ZNF565: variants seen among roughly 807,000 people sequenced by gnomAD.
ZNF565 encodes the protein zinc finger protein 565.
ZNF565 carries 27 observed loss-of-function variants against 39.4 expected under a neutral mutation model. That is an observed-to-expected ratio of 0.69 (90% confidence interval 0.51 to 0.95). ZNF565 has a LOEUF of 0.95. Among genes scored for constraint, ZNF565 ranks in the 40% least tolerant of loss-of-function variants. The pLI is 0.00. For missense variants in ZNF565, 524 were observed against 621.1 expected, an observed-to-expected ratio of 0.84 and a Z score of 1.66; for synonymous variants, 185 against 216.6, an observed-to-expected ratio of 0.85 and a Z score of 1.28.
chr19:36,237,605 C>CTTGT, intron 1 of ZNF565: 1 of 273,568 alleles, frequency 3.7e-6, no homozygotes. Context: ...TTATTGCTAC[C>CTTGT]ACCATAGATC....
intron 1 of ZNF565, among the ~76,000 whole-genome samples, chr19:36,226,865 C>T (rs1206476676): frequency 6.6e-6 from 1 of 152,102 alleles, no homozygotes; most frequent in Non-Finnish European, 1.5e-5. Flanking sequence ...GCAGGTGGAT[C>T]ACCTGTGGTC....
At chr19:36,229,301 C>T (rs1977217798) in intron 1 of ZNF565, among the ~76,000 whole-genome samples, 1 of 152,240 alleles carries the variant, frequency 6.6e-6, no homozygotes. Flanking sequence ...ATGGACTCCT[C>T]TGCCTACCTT....
chr19:36,207,863 G>A (rs908076503), intron 1 of ZNF565, among the ~76,000 whole-genome samples: 12 of 152,288 alleles, frequency 7.9e-5, no homozygotes, highest in South Asian at 4.1e-4. Context: ...GCAGCTAAAG[G>A]TGGCGGGCCT....
chr19:36,242,602 C>G (rs1048741615), intron 1 of ZNF565, among the ~76,000 whole-genome samples: 8 of 151,176 alleles, frequency 5.3e-5, no homozygotes, highest in Non-Finnish European at 4.4e-5. Flanking sequence ...GCACGTGCCT[C>G]TCATCCCAGC....
chr19:36,230,876 A>G (rs188019291), intron 1 of ZNF565, among the ~76,000 whole-genome samples: 1 of 152,128 alleles, frequency 6.6e-6, no homozygotes, highest in East Asian at 1.9e-4. Flanking sequence ...ATCTCGGCTC[A>G]CTGCAACCTC....
intron 1 of ZNF565, among the ~76,000 whole-genome samples, chr19:36,211,548 C>G (rs543503148): frequency 2.2e-4 from 33 of 150,772 alleles, no homozygotes; most frequent in Non-Finnish European, 4.1e-4. Flanking sequence ...AATCCCAGTA[C>G]TTTGGGAGGC....
intron 1 of ZNF565, among the ~76,000 whole-genome samples, chr19:36,206,428 GT>G (rs1976156239): frequency 1.3e-5 from 2 of 151,684 alleles, no homozygotes; most frequent in Non-Finnish European, 2.9e-5. Flanking sequence ...GGGCAGCAAA[GT>G]AAGACCCCCA....
chr19:36,188,811 C>A (rs1975417705), intron 4 of ZNF565, among the ~76,000 whole-genome samples: 1 of 151,522 alleles, frequency 6.6e-6, no homozygotes, highest in Non-Finnish European at 1.5e-5. Context: ...AGTATTTATA[C>A]ATGTATACAT....
chr19:36,197,664 C>T (rs769914653), intron 2 of ZNF565, among the ~76,000 whole-genome samples: 14 of 152,130 alleles, frequency 9.2e-5, no homozygotes, highest in Non-Finnish European at 1.9e-4. Flanking sequence ...GTTAAAGTGG[C>T]TTATATCTAA....
Position 36,245,392 on chromosome 19 carries a change from A to AC in ZNF565, c.55+83dup. The AC allele has an allele frequency of 1.4e-6, 1 of 698,310 alleles. No homozygotes were observed. Among genetic ancestry groups the AC allele is most frequent in the Non-Finnish European group, 2.6e-6 (1 of 382,612 alleles). The allele number at this position is 698,310 out of a possible 1,614,324, so 43.3% of individuals were successfully genotyped here. ...GCTCGAAGGGAGGACAGTCACTGCGACCCGGAAAGCTCCGCGCTTACGACG... is the reference window on the plus strand; with the variant it reads ...GCTCGAAGGGAGGACAGTCACTGCGACCCCGGAAAGCTCCGCGCTTACGACG... On this transcript the variant is annotated intron_variant, in intron 1 of 4. Transcript: ENST00000355114. The surrounding 1 kb of genome is among the most constrained non-coding windows in gnomAD (Gnocchi z 4.4).
chr19:36,211,725 G>A lies in ZNF565; in HGVS notation c.-66+2897C>T, dbSNP rs1041247141. Among the ~76,000 whole-genome samples, 6 of 151,948 alleles carry A rather than the reference G, an allele frequency of 3.9e-5. No individual in the cohort carries two copies. The East Asian group carries it at 5.8e-4, about 15-fold the overall frequency. ...GGAGAATCGCATGAACCAGGGAGGC[G>A]GAGCTTGCAGTGAGCCGAGCTCGCG... On this transcript the variant is annotated intron_variant, in intron 1 of 4. Transcript: ENST00000304116.
chr19:36,186,261 A>G (rs531093726), intron 4 of ZNF565, among the ~76,000 whole-genome samples: 3 of 152,172 alleles, frequency 2.0e-5, no homozygotes, highest in Non-Finnish European at 4.4e-5. Flanking sequence ...GGCTTCTAAA[A>G]GTATTGGGAT....
chr19:36,194,885 G>A (rs1056250248), intron 3 of ZNF565, 145 bp downstream of exon 3: 2 of 1,251,200 alleles, frequency 1.6e-6, no homozygotes, highest in Non-Finnish European at 2.3e-6. Flanking sequence ...TGCTGGCCGG[G>A]CCTCTCTCTA....
Position 36,234,779 on chromosome 19 carries a change from G to A in ZNF565, c.55+10697C>T, listed in dbSNP as rs534085777. ...GGGTTTAATCTCTGATTTCCGTATA[G>A]CAGCTCATTCCTGTCATCTCATTTG... On this transcript the variant is annotated intron_variant, in intron 1 of 4. Coordinates refer to the ZNF565 transcript ENST00000355114. 3.3e-5 allele frequency among the ~76,000 whole-genome samples: 5 copies of A among 152,306 alleles called. No homozygotes were observed. The South Asian group carries it at 1.0e-3, about 32-fold the overall frequency.
intron 1 of ZNF565, among the ~76,000 whole-genome samples, chr19:36,232,810 A>G (rs1456219609): frequency 6.6e-6 from 1 of 152,010 alleles, no homozygotes; most frequent in Non-Finnish European, 1.5e-5. Context: ...AGGTTTCACC[A>G]TGTTGGCCAG....
rs530731718 is a variant in ZNF565, at chr19:36,187,598, C to T, written c.233-3865G>A. Reference sequence around the variant, plus strand: ...GTCTCGATCTCCTGACCTTGTGCTCCGCCCACCTCGGCCTCCCAAAGTGCT... The same window carrying T: ...GTCTCGATCTCCTGACCTTGTGCTCTGCCCACCTCGGCCTCCCAAAGTGCT... On this transcript the variant is annotated intron_variant, in intron 4 of 4. Coordinates refer to ENST00000304116, the MANE Select transcript of ZNF565 (RefSeq NM_152477.5). 1.8e-3 allele frequency among the ~76,000 whole-genome samples: 275 copies of T among 150,350 alleles called. 1 individual carries two copies. Among genetic ancestry groups the T allele is most frequent in the African/African-American group, 6.6e-3 (270 of 40,884 alleles).
chr19:36,245,090 T>C lies in ZNF565; in HGVS notation c.55+386A>G, dbSNP rs1485266839. ...ATTTATCATGTGACGTTTTATTTCT[T>C]TTGAGTTTAGGGATCCACAGCCTGA... is the stretch of plus-strand genomic sequence containing the variant. On this transcript the variant is annotated intron_variant, in intron 1 of 4. Coordinates refer to the ZNF565 transcript ENST00000355114. This position sits in a 1 kb window ranked among gnomAD's most constrained non-coding sequence, Gnocchi z 4.4. Among the ~76,000 whole-genome samples the C allele has an allele frequency of 6.6e-6, 1 of 152,174 alleles. No individual in the cohort carries two copies. Among genetic ancestry groups the C allele is most frequent in the Non-Finnish European group, 1.5e-5 (1 of 68,020 alleles).
intron 2 of ZNF565, among the ~76,000 whole-genome samples, chr19:36,198,463 G>A (rs866354002): frequency 6.6e-6 from 1 of 152,192 alleles, no homozygotes; most frequent in Non-Finnish European, 1.5e-5. Flanking sequence ...AGAGTAGAAG[G>A]ATGATTACTG....
chr19:36,191,410 C>T (rs1975537843), intron 4 of ZNF565, among the ~76,000 whole-genome samples: 1 of 151,084 alleles, frequency 6.6e-6, no homozygotes, highest in Non-Finnish European at 1.5e-5. Context: ...CCTCTGCCTC[C>T]TGAACCATTT....
Sources: gnomAD v4.1 joint callset for allele counts (sites outside exome capture counted in the v4.1 genomes callset) on GRCh38, gnomAD v4.1.1 for gene constraint, Gnocchi (gnomAD v3.1) non-coding constraint, MANE v1.5 for transcripts, NCBI Gene and HGNC (gene_info 2026-07-23, HGNC 2026-07-21) for gene names.